The following ZFPM2 variants were observed in gnomAD, a reference collection of about 807,000 sequenced individuals.
ZFPM2 encodes the protein zinc finger protein, FOG family member 2, also known as zinc finger protein ZFPM2.
Under a neutral mutation model 98.6 loss-of-function variants are expected in ZFPM2, and 20 were observed. The ratio of observed to expected loss-of-function variants is 0.20; its 90% CI spans 0.14 to 0.29. The LOEUF (loss-of-function observed/expected upper bound fraction) is 0.29. Among genes scored for constraint, ZFPM2 ranks in the 10% least tolerant of loss-of-function variants. The probability of loss-of-function intolerance (pLI) is 1.00; values close to 1 mark genes in which losing one functional copy is unlikely to be tolerated. For missense variants in ZFPM2, 1,310 were observed against 1,388.6 expected, an observed-to-expected ratio of 0.94 and a Z score of 0.90; for synonymous variants, 518 against 502.7, an observed-to-expected ratio of 1.03 and a Z score of -0.41.
chr8:105,506,880 T>C (rs1391120583), intron 3 of ZFPM2, among the ~76,000 whole-genome samples: 1 of 148,256 alleles, frequency 6.7e-6, no homozygotes, highest in African/African-American at 2.5e-5. Flanking sequence ...CCCAGCTAGT[T>C]GGGAGGCTGA....
At chr8:105,699,266 TTCTC>T (rs1052430153) in intron 5 of ZFPM2, among the ~76,000 whole-genome samples, 1 of 152,154 alleles carries the variant, frequency 6.6e-6, no homozygotes, top group African/African-American at 2.4e-5. Flanking sequence ...AAAATGGTAT[TTCTC>T]TCCTATTCTA....
intron 3 of ZFPM2, among the ~76,000 whole-genome samples, chr8:105,487,963 C>A: frequency 6.7e-6 from 1 of 149,782 alleles, no homozygotes; most frequent in East Asian, 2.0e-4. Flanking sequence ...TCTGTCATGT[C>A]TTTTTTTAGA....
intron 1 of ZFPM2, among the ~76,000 whole-genome samples, chr8:105,327,974 T>TTG (rs1049054037): frequency 1.3e-5 from 2 of 151,686 alleles, no homozygotes; most frequent in African/African-American, 4.8e-5. Context: ...TCAAAGGCAT[T>TTG]TGTGTGTGTG....
intron 4 of ZFPM2, among the ~76,000 whole-genome samples, chr8:105,563,779 T>C (rs1028786732): frequency 4.6e-5 from 7 of 152,194 alleles, no homozygotes; most frequent in Non-Finnish European, 7.4e-5. Flanking sequence ...TTTTAAACTA[T>C]ATCATATTTA....
chr8:105,554,172 G>A (rs999481339), intron 3 of ZFPM2, among the ~76,000 whole-genome samples: 1 of 152,130 alleles, frequency 6.6e-6, no homozygotes, highest in Non-Finnish European at 1.5e-5. Context: ...CATTTCCTGA[G>A]CCAAACCATG....
chr8:105,627,194 C>CAGTA (rs1227209650), intron 4 of ZFPM2, among the ~76,000 whole-genome samples: 1 of 152,116 alleles, frequency 6.6e-6, no homozygotes, highest in Non-Finnish European at 1.5e-5. Flanking sequence ...TTTGTCGGTC[C>CAGTA]AGTAACTCTA....
At chr8:105,530,812 A>T (rs1252297993) in intron 3 of ZFPM2, among the ~76,000 whole-genome samples, 5 of 152,168 alleles carry the variant, frequency 3.3e-5, no homozygotes, top group Non-Finnish European at 7.3e-5. Context: ...ACTTATTAAG[A>T]CACTAGTAAA....
At chr8:105,751,300 G>A (rs1812470415) in intron 5 of ZFPM2, among the ~76,000 whole-genome samples, 1 of 152,074 alleles carries the variant, frequency 6.6e-6, no homozygotes, top group Non-Finnish European at 1.5e-5. Flanking sequence ...TAAAAATAAT[G>A]ATAACTGATA....
chr8:105,393,374 CTTTCTTT>C (rs1563637972), intron 1 of ZFPM2, among the ~76,000 whole-genome samples: 9 of 105,074 alleles, frequency 8.6e-5, no homozygotes, highest in African/African-American at 1.5e-4. Flanking sequence ...TTCTTTCTTT[CTTTCTTT>C]CTTTCTTTCT....
chr8:105,514,456 C>T (rs1586428707), intron 3 of ZFPM2, among the ~76,000 whole-genome samples: 1 of 152,146 alleles, frequency 6.6e-6, no homozygotes, highest in East Asian at 1.9e-4. Context: ...ATCAGTCCCA[C>T]TTGTAGCCCA....
intron 4 of ZFPM2, among the ~76,000 whole-genome samples, chr8:105,569,035 T>G (rs1182406258): frequency 6.6e-6 from 1 of 151,622 alleles, no homozygotes; most frequent in Non-Finnish European, 1.5e-5. Context: ...ATTTAAAGAC[T>G]CTGCTCAAAG....
intron 5 of ZFPM2, among the ~76,000 whole-genome samples, chr8:105,655,115 A>T (rs1442332): frequency 6.6e-6 from 1 of 152,082 alleles, no homozygotes; most frequent in Non-Finnish European, 1.5e-5. Flanking sequence ...TTGTTGAGTT[A>T]GTTTATTACA....
intron 3 of ZFPM2, among the ~76,000 whole-genome samples, chr8:105,519,374 A>G (rs1363739238): frequency 6.6e-6 from 1 of 152,122 alleles, no homozygotes; most frequent in Non-Finnish European, 1.5e-5. Flanking sequence ...AATAAGAATT[A>G]TTATTTACAG....
intron 4 of ZFPM2, among the ~76,000 whole-genome samples, chr8:105,602,515 C>A (rs1563738547): frequency 6.6e-6 from 1 of 152,020 alleles, no homozygotes; most frequent in Non-Finnish European, 1.5e-5. Flanking sequence ...TTCAACCTGG[C>A]CTAAGTGAAT....
chr8:105,696,816 A>G (rs1370714938), intron 5 of ZFPM2, among the ~76,000 whole-genome samples: 2 of 152,324 alleles, frequency 1.3e-5, no homozygotes, highest in African/African-American at 2.4e-5. Flanking sequence ...GCAGGCTTGC[A>G]TACTGTTAGT....
intron 5 of ZFPM2, among the ~76,000 whole-genome samples, chr8:105,640,256 C>T (rs1360037562): frequency 6.6e-6 from 1 of 151,986 alleles, no homozygotes; most frequent in Non-Finnish European, 1.5e-5. Context: ...GCCAAGGTTA[C>T]AGGTTATTGC....
At position 105,801,958 on chromosome 8, in the gene ZFPM2, A is replaced by G. The variant is rs750239585; in HGVS notation, c.1876A>G (p.Ile626Val). Residue 626 changes from isoleucine to valine, a missense_variant, in exon 8 of 8, where the codon ATC (isoleucine) becomes GTC (valine). Coordinates refer to ENST00000407775, the MANE Select transcript of ZFPM2 (RefSeq NM_012082.4). ...PENPLLQTSC[I>V]NSSTVLDLIG... ...GAATCCACTTCTTCAAACATCTTGC[A>G]TCAATTCTTCCACTGTCTTAGATTT... The G allele has an allele frequency of 6.2e-7, 1 of 1,613,730 alleles. No individual in the cohort carries two copies. Among genetic ancestry groups the G allele is most frequent in the African/African-American group, 1.3e-5 (1 of 74,890 alleles).
chr8:105,732,074 C>G (rs1466666523), intron 5 of ZFPM2, among the ~76,000 whole-genome samples: 1 of 151,702 alleles, frequency 6.6e-6, no homozygotes, highest in African/African-American at 2.4e-5. Context: ...TCCCAAAGTT[C>G]TGAAGTTAAT....
chr8:105,423,669 G>A (rs1404314632), intron 2 of ZFPM2, among the ~76,000 whole-genome samples: 3 of 152,268 alleles, frequency 2.0e-5, no homozygotes, highest in Non-Finnish European at 1.5e-5. Flanking sequence ...TGGTTTATGT[G>A]CCAGACATGG....
Sources: gnomAD v4.1 joint callset for allele counts (sites outside exome capture counted in the v4.1 genomes callset) on GRCh38, gnomAD v4.1.1 for gene constraint, MANE v1.5 for transcripts, NCBI Gene and HGNC (gene_info 2026-07-23, HGNC 2026-07-21) for gene names.